NAV2: variants seen among roughly 807,000 people sequenced by gnomAD.
NAV2 encodes the protein helicase, APC down-regulated 1.
Under a neutral mutation model 223.2 loss-of-function variants are expected in NAV2, and 54 were observed. The observed-to-expected ratio is 0.24, with a 90% CI of 0.19 to 0.30. NAV2 has a LOEUF of 0.30. NAV2 is among the 10% of genes least tolerant of loss of function. The probability of loss-of-function intolerance (pLI) is 1.00; values close to 1 mark genes in which losing one functional copy is unlikely to be tolerated. For missense variants in NAV2, 2,806 were observed against 3,147.5 expected, an observed-to-expected ratio of 0.89 and a Z score of 2.60; for synonymous variants, 1,279 against 1,239.3, an observed-to-expected ratio of 1.03 and a Z score of -0.67.
At chr11:19,424,059 T>C (rs1850725135) in intron 1 of NAV2, among the ~76,000 whole-genome samples, 1 of 152,228 alleles carries the variant, frequency 6.6e-6, no homozygotes, top group Non-Finnish European at 1.5e-5. Context: ...TGCTGCACTG[T>C]GATAAACTAA....
intron 3 of NAV2, among the ~76,000 whole-genome samples, chr11:19,868,217 C>T (rs905307128): frequency 6.6e-6 from 1 of 152,146 alleles, no homozygotes; most frequent in Non-Finnish European, 1.5e-5. Flanking sequence ...ATTAATCAAG[C>T]CAGAACATTT....
chr11:19,517,265 C>T (rs914922893), intron 1 of NAV2, among the ~76,000 whole-genome samples: 2 of 152,106 alleles, frequency 1.3e-5, no homozygotes, highest in Admixed American at 6.5e-5. Context: ...TGCATGTGAG[C>T]GTGCCCTGGC....
At chr11:19,408,787 C>G (rs935229933) in intron 1 of NAV2, among the ~76,000 whole-genome samples, 2 of 151,938 alleles carry the variant, frequency 1.3e-5, no homozygotes, top group African/African-American at 2.4e-5. Context: ...CTGGGCCTGG[C>G]TGATGCAAAC....
In NAV2 at chr11:19,998,920, A is replaced by G. The variant is rs558764386; in HGVS notation, c.2768+14673A>G. On this transcript the variant is annotated intron_variant, in intron 11 of 37. Coordinates refer to ENST00000349880, the MANE Select transcript of NAV2 (RefSeq NM_145117.5). The surrounding 1 kb of genome is among the most constrained non-coding windows in gnomAD (Gnocchi z 5.0). ...CCTGTTATGTCTTTCCCACTAGACT[A>G]TCAGTATCAATAAGACAGAAACCAG... Among the ~76,000 whole-genome samples, 49 of 152,340 alleles carry G rather than the reference A, an allele frequency of 3.2e-4. 1 individual carries two copies. The highest frequency in any genetic ancestry group is 2.6e-3 in the Admixed American group (40 of 15,300).
At chr11:19,887,886 A>G (rs913740954) in intron 5 of NAV2, among the ~76,000 whole-genome samples, 3 of 151,550 alleles carry the variant, frequency 2.0e-5, no homozygotes, top group African/African-American at 7.3e-5. Flanking sequence ...ACAAGCTGCC[A>G]TGCTTCCTGG....
At chr11:19,466,984 T>TCTACAC (rs200910419) in intron 1 of NAV2, among the ~76,000 whole-genome samples, 10 of 125,202 alleles carry the variant, frequency 8.0e-5, no homozygotes, top group African/African-American at 3.1e-4. Context: ...TCTCTCTCTC[T>TCTACAC]ACACACACAC....
At chr11:19,923,520 AGGCTCCTAT>A (rs1211283192) in intron 6 of NAV2, among the ~76,000 whole-genome samples, 1 of 152,182 alleles carries the variant, frequency 6.6e-6, no homozygotes, top group Non-Finnish European at 1.5e-5. Context: ...ACTGATTTGG[AGGCTCCTAT>A]TTGGGGCTGC....
intron 10 of NAV2, among the ~76,000 whole-genome samples, chr11:19,961,034 C>G (rs2048318269): frequency 6.6e-6 from 1 of 152,118 alleles, no homozygotes; most frequent in African/African-American, 2.4e-5. Context: ...CCTGAGCCCC[C>G]CTGTTTTTCC....
chr11:19,642,906 A>G (rs2047705203), intron 1 of NAV2, among the ~76,000 whole-genome samples: 1 of 152,214 alleles, frequency 6.6e-6, no homozygotes, highest in Non-Finnish European at 1.5e-5. Flanking sequence ...GGCAGCTTGC[A>G]GCAGTCAAAC....
intron 6 of NAV2, chr11:19,931,896 C>T (rs10833195): frequency 0.38 from 58,527 of 152,080 alleles, 13,941 homozygotes; most frequent in Non-Finnish European, 0.54. Flanking sequence ...TGGGTGGGTG[C>T]GGGCACGGGG....
At chr11:19,623,196 C>T (rs573971949) in intron 1 of NAV2, among the ~76,000 whole-genome samples, 6 of 152,172 alleles carry the variant, frequency 3.9e-5, no homozygotes, top group African/African-American at 1.2e-4. Flanking sequence ...CTGCCCTTAA[C>T]ATTTTTTCCT....
rs1400218017 is a variant in NAV2 at position 19,673,899 on chromosome 11, C to CT, written c.76-158583dup. On this transcript the variant is annotated intron_variant, in intron 1 of 37. Coordinates refer to the NAV2 transcript ENST00000360655. ...AGATGACTTGAATTTCCCACCTGCC[C>CT]TTCCTTTTCCTGCCCCTTCTCCATG... 5.3e-5 allele frequency among the ~76,000 whole-genome samples: 8 copies of CT among 152,328 alleles called. No individual in the cohort carries two copies. The East Asian group carries it at 1.5e-3, about 29-fold the overall frequency.
At chr11:19,486,155 C>A (rs1297396816) in intron 1 of NAV2, among the ~76,000 whole-genome samples, 1 of 152,108 alleles carries the variant, frequency 6.6e-6, no homozygotes, top group Non-Finnish European at 1.5e-5. Flanking sequence ...AGTATAGCCT[C>A]TGGACTACAA....
chr11:20,095,726 A>G lies in NAV2; in HGVS notation c.5971A>G (p.Lys1991Glu). The G allele has an allele frequency of 1.9e-6, 3 of 1,614,162 alleles. No homozygotes were observed. The highest frequency in any genetic ancestry group is 2.5e-6 in the Non-Finnish European group (3 of 1,180,010). The change falls in exon 30 of 38, where the codon AAG becomes GAG. Residue 1991 changes from lysine (K) to glutamate (E), a missense_variant. Lys to Glu is a moderately conservative substitution (Grantham distance 56). Coordinates refer to ENST00000349880, the MANE Select transcript of NAV2 (RefSeq NM_145117.5). ...CTGCATTGGAGTTAGTGGCAAGACG[A>G]AGTGGGATGTGCTCGATGGGGTGGT... Reference protein sequence around the residue: ...IGCIGVSGKTKWDVLDGVVRR... With the variant: ...IGCIGVSGKTEWDVLDGVVRR...
chr11:19,452,011 T>G (rs1269870357), intron 1 of NAV2, among the ~76,000 whole-genome samples: 1 of 152,098 alleles, frequency 6.6e-6, no homozygotes, highest in Non-Finnish European at 1.5e-5. Context: ...TGAAGTATCC[T>G]CATAACTACG....
chr11:19,897,886 T>TTATATATATATATA lies in NAV2; in HGVS notation c.931+5298_931+5311dup, dbSNP rs10524489. On this transcript the variant is annotated intron_variant, in intron 6 of 37. Transcript: ENST00000349880. ...GCCACAGCTGTGCCTGACCTGTGAT[T>TTATATATATATATA]TATATATATATATATATATGTGAGC... Among the ~76,000 whole-genome samples, 112 of 120,654 alleles carry TTATATATATATATA rather than the reference T, an allele frequency of 9.3e-4. 6 individuals carry two copies. The highest frequency in any genetic ancestry group is 3.8e-3 in the South Asian group (12 of 3,156). 79.2% of individuals were successfully genotyped at this position (120,654 alleles called of 152,430 possible).
intron 1 of NAV2, among the ~76,000 whole-genome samples, chr11:19,730,487 G>A (rs1194276131): frequency 6.6e-6 from 1 of 152,250 alleles, no homozygotes; most frequent in Non-Finnish European, 1.5e-5. Flanking sequence ...CCCTCGGTCT[G>A]CTGAGGTGAC....
At chr11:20,048,161 G>A (rs1051840106) in intron 14 of NAV2, among the ~76,000 whole-genome samples, 2 of 152,180 alleles carry the variant, frequency 1.3e-5, no homozygotes, top group African/African-American at 4.8e-5. Flanking sequence ...GGCTTCAAAA[G>A]ATACATCTTT....
intron 26 of NAV2, among the ~76,000 whole-genome samples, chr11:20,088,420 C>G (rs1325637716): frequency 6.6e-6 from 1 of 152,228 alleles, no homozygotes; most frequent in Non-Finnish European, 1.5e-5. Flanking sequence ...CTCCCCACCT[C>G]AGATGATCCA....
Sources: allele counts gnomAD v4.1 joint callset (sites outside exome capture counted in the v4.1 genomes callset), GRCh38; gene constraint gnomAD v4.1.1; non-coding constraint Gnocchi (gnomAD v3.1); transcripts MANE v1.5; gene names NCBI Gene and HGNC (gene_info 2026-07-23, HGNC 2026-07-21).